The following MSX1 variants were observed in gnomAD, a reference collection of about 807,000 sequenced individuals.
MSX1 encodes homeobox protein MSX-1.
MSX1 carries 11 observed loss-of-function variants against 17.0 expected under a neutral mutation model. That is an observed-to-expected ratio of 0.65 (90% CI 0.41 to 1.07). MSX1 has a LOEUF of 1.07. Among genes scored for constraint, MSX1 ranks in the 50% least tolerant of loss-of-function variants. The pLI, the probability that MSX1 is intolerant of heterozygous loss-of-function variation, is 0.00. For synonymous variants in MSX1, 253 were observed against 211.8 expected (o/e 1.19, Z -1.69); for missense variants, 477 against 440.1 (o/e 1.08, Z -0.75).
In MSX1 at chr4:4,863,585, A is replaced by AAAAAAAAAAAAAAAAG. The variant is rs1737980399; in HGVS notation, c.*445_*446insAAAAAAAAAAAAGAAA. ...AAAAAAAAAAAAAAAAAAAAAAAAA[A>AAAAAAAAAAAAAAAAG]AAAGAAAAGAGAAAAAAAAGACTAG... On this transcript the variant is annotated 3_prime_UTR_variant, in exon 2 of 2. Coordinates refer to ENST00000382723, the MANE Select transcript of MSX1 (RefSeq NM_002448.3). 7.8e-6 allele frequency: 1 copy of AAAAAAAAAAAAAAAAG among 128,940 alleles called. No homozygotes were observed. Among genetic ancestry groups the AAAAAAAAAAAAAAAAG allele is most frequent in the Non-Finnish European group, 1.7e-5 (1 of 60,244 alleles). The allele number at this position is 128,940 out of a possible 1,614,324, so 8.0% of individuals were successfully genotyped here. A position where few individuals can be genotyped will look rare whatever the true frequency, so the allele number is the denominator to read the frequency against.
rs1737964589 is a variant in MSX1, at chr4:4,863,191, G to A, written c.*48G>A. On this transcript the variant is annotated 3_prime_UTR_variant, in exon 2 of 2. Transcript: ENST00000382723. ...TGGGCCAGCCGATTCCTCCAGCCCTGGTGCTGTACCCCCGACGTGCTCCCC... is the reference window on the plus strand; with the variant it reads ...TGGGCCAGCCGATTCCTCCAGCCCTAGTGCTGTACCCCCGACGTGCTCCCC... The A allele has an allele frequency of 1.9e-6, 3 of 1,547,664 alleles. No individual in the cohort carries two copies. The highest frequency in any genetic ancestry group is 1.4e-5 in the African/African-American group (1 of 73,974).
intron 1 of MSX1, among the ~76,000 whole-genome samples, chr4:4,861,156 G>C (rs887354151): frequency 2.0e-5 from 3 of 152,234 alleles, no homozygotes; most frequent in Non-Finnish European, 2.9e-5. Flanking sequence ...TATTTTGCTC[G>C]GCATAATAGC....
Position 4,859,857 on chromosome 4 carries a change from G to A in MSX1, c.-43G>A, listed in dbSNP as rs532399908. On this transcript the variant is annotated 5_prime_UTR_variant, in exon 1 of 2. Transcript: ENST00000382723. Reference sequence around the variant, plus strand: ...CCAGCCCGCCCGGAGCCCATGCCCGGCGGCTGGCCAGTGCTGCGGCAGAAG... The same window carrying A: ...CCAGCCCGCCCGGAGCCCATGCCCGACGGCTGGCCAGTGCTGCGGCAGAAG... 83 of 1,426,608 alleles carry A rather than the reference G, an allele frequency of 5.8e-5. No individual in the cohort carries two copies. The East Asian group carries it at 2.4e-3, about 41-fold the overall frequency. 88.4% of individuals were successfully genotyped at this position (1,426,608 alleles called of 1,614,324 possible).
Position 4,862,806 on chromosome 4 carries a change from G to T in MSX1, c.575G>T (p.Arg192Leu), listed in dbSNP as rs760914206. Residue 192 changes from arginine to leucine, a missense_variant, in exon 2 of 2, where the codon CGC becomes CTC. Coordinates refer to ENST00000382723, the MANE Select transcript of MSX1 (RefSeq NM_002448.3). The stretch of plus-strand genomic sequence containing the variant: ...CTGCTGGCGCTGGAGCGCAAGTTCC[G>T]CCAGAAGCAGTACCTGTCCATCGCC... ...AQLLALERKF[R>L]QKQYLSIAER... 6.2e-7 allele frequency: 1 copy of T among 1,613,646 alleles called. No individual in the cohort carries two copies. Among genetic ancestry groups the T allele is most frequent in the Non-Finnish European group, 8.5e-7 (1 of 1,179,992 alleles).
intron 1 of MSX1, among the ~76,000 whole-genome samples, chr4:4,860,718 T>C (rs1459036097): frequency 6.6e-6 from 1 of 152,244 alleles, no homozygotes. Flanking sequence ...TGAATGTGTG[T>C]GGTGCGGTAT....
Position 4,859,904 on chromosome 4 carries a change from C to A in MSX1, c.5C>A (p.Ala2Asp). M[A>D]PAADMTSLPL... ...GAAGGGGGGGCCCGGCTCTGCATGG[C>A]CCCGGCTGCTGACATGACTTCTTTG... is the stretch of plus-strand genomic sequence containing the variant. The change falls in exon 1 of 2, where the codon GCC (alanine) becomes GAC (aspartate). Residue 2 changes from alanine (A) to aspartate (D), a missense_variant. Transcript: ENST00000382723. 2 of 1,493,254 alleles carry A rather than the reference C, an allele frequency of 1.3e-6. No individual in the cohort carries two copies. The highest frequency in any genetic ancestry group is 1.5e-5 in the African/African-American group (1 of 68,728). 92.5% of individuals were successfully genotyped at this position (1,493,254 alleles called of 1,614,324 possible).
rs1737966257 is a variant in MSX1 at position 4,863,234 on chromosome 4, C to T, written c.*91C>T. On this transcript the variant is annotated 3_prime_UTR_variant, in exon 2 of 2. Transcript: ENST00000382723. ...TGCTCCCCTGCTCGGCACCGCCAGC[C>T]GCCTTCCCTTTAACCCTCACACTGC... 3.7e-6 allele frequency: 5 copies of T among 1,338,014 alleles called. No homozygotes were observed. The South Asian group carries it at 3.8e-5, about 10-fold the overall frequency. The allele number at this position is 1,338,014 out of a possible 1,614,324, so 82.9% of individuals were successfully genotyped here.
chr4:4,860,402 G>T, intron 1 of MSX1, 34 bp downstream of exon 1: 1 of 283,102 alleles, frequency 3.5e-6, no homozygotes. Context: ...AGAGGGAGGG[G>T]GCCGGGTGGG....
In MSX1 at chr4:4,862,837, C is replaced by T; in HGVS notation, c.606C>T (p.Arg202=). ...RQKQYLSIAE[R]AEFSSSLSLT... Reference sequence around the variant, plus strand: ...AGCAGTACCTGTCCATCGCCGAGCGCGCGGAGTTCTCCAGCTCGCTCAGCC... The same window carrying T: ...AGCAGTACCTGTCCATCGCCGAGCGTGCGGAGTTCTCCAGCTCGCTCAGCC... Residue 202 remains arginine (R), a synonymous_variant, in exon 2 of 2, where the codon CGC becomes CGT. Coordinates refer to ENST00000382723, the MANE Select transcript of MSX1 (RefSeq NM_002448.3). The T allele has an allele frequency of 1.2e-6, 2 of 1,613,818 alleles. No individual in the cohort carries two copies. The highest frequency in any genetic ancestry group is 1.7e-6 in the Non-Finnish European group (2 of 1,180,028).
intron 1 of MSX1, among the ~76,000 whole-genome samples, chr4:4,861,349 GT>G (rs1737912940): frequency 6.6e-6 from 1 of 152,262 alleles, no homozygotes; most frequent in Non-Finnish European, 1.5e-5. Flanking sequence ...CGGAAAGCTA[GT>G]TGGGGGCCAA....
At position 4,863,044 on chromosome 4, in the gene MSX1, C is replaced by T; in HGVS notation, c.813C>T (p.Leu271=). The T allele has an allele frequency of 5.6e-6, 9 of 1,609,680 alleles. No individual in the cohort carries two copies. The highest frequency in any genetic ancestry group is 7.6e-6 in the Non-Finnish European group (9 of 1,178,700). The change falls in exon 2 of 2, where the codon CTC becomes CTT. Residue 271 remains leucine, a synonymous_variant. Coordinates refer to ENST00000382723, the MANE Select transcript of MSX1 (RefSeq NM_002448.3). ...AAVAAAAGAS[L]YGASGPFQRA... ...TAGCGGCCGCGGCGGGTGCCTCGCT[C>T]TACGGTGCCTCTGGCCCCTTCCAGC...
rs1577534958 is a variant in MSX1 at position 4,859,965 on chromosome 4, C to T, written c.66C>T (p.Gly22=). Residue 22 remains glycine (G), a synonymous_variant, in exon 1 of 2, where the codon GGC becomes GGT. Transcript: ENST00000382723. ...LGVKVEDSAF[G]KPAGGGAGQA... ...TCAAAGTGGAGGACTCCGCCTTCGG[C>T]AAGCCGGCGGGGGGAGGCGCGGGCC... 1 of 1,492,340 alleles carries T rather than the reference C, an allele frequency of 6.7e-7. No homozygotes were observed. Among genetic ancestry groups the T allele is most frequent in the Non-Finnish European group, 8.9e-7 (1 of 1,121,614 alleles). 92.4% of individuals were successfully genotyped at this position (1,492,340 alleles called of 1,614,324 possible).
rs780766124 is a variant in MSX1, at chr4:4,860,359, C to G, written c.460C>G (p.Pro154Ala). The G allele has an allele frequency of 4.4e-6, 7 of 1,603,678 alleles. No individual in the cohort carries two copies. In the South Asian group the frequency reaches 7.7e-5, roughly 18 times the overall value. ...PWMQSPRFSP[P>A]PARRLSPPAC... ...GATGCAGAGCCCCCGCTTCTCCCCG[C>G]CGCCGGCCAGTGAGTAGCCAGAACC... The change falls in exon 1 of 2, where the codon CCG becomes GCG. Residue 154 changes from proline (P) to alanine (A), a missense_variant. Transcript: ENST00000382723.
intron 1 of MSX1, 46 bp from the exon 2 acceptor site, chr4:4,862,655 A>T (rs189267182): frequency 1.3e-6 from 2 of 1,599,192 alleles, no homozygotes; most frequent in African/African-American, 2.7e-5. Flanking sequence ...TCATGCTCCA[A>T]TGCTTCTCTC....
Position 4,860,126 on chromosome 4 carries a change from A to G in MSX1, c.227A>G (p.Lys76Arg). The change falls in exon 1 of 2, where the codon AAG (lysine) becomes AGG (arginine). Residue 76 changes from lysine to arginine, a missense_variant. By Grantham distance (26) the Lys-to-Arg change is conservative. This residue lies in a region of MSX1 where 355 missense variants were observed against 306.1 expected (regional missense o/e 1.16). Transcript: ENST00000382723. ...GCCGACCACAGGAAGCCGGGGGCCA[A>G]GGAGAGCGCCCTGGCGCCCTCCGAG... Reference protein sequence around the residue: ...LMADHRKPGAKESALAPSEGV... With the variant: ...LMADHRKPGARESALAPSEGV... 1 of 1,514,708 alleles carries G rather than the reference A, an allele frequency of 6.6e-7. No individual in the cohort carries two copies. 93.8% of individuals were successfully genotyped at this position (1,514,708 alleles called of 1,614,324 possible). A position where few individuals can be genotyped will look rare whatever the true frequency, so the allele number is the denominator to read the frequency against.
Position 4,859,903 on chromosome 4 carries a change from GC to G in MSX1, c.8del (p.Pro3ArgfsTer5). 2 of 1,492,942 alleles carry G rather than the reference GC, an allele frequency of 1.3e-6. No homozygotes were observed. Among genetic ancestry groups the G allele is most frequent in the South Asian group, 1.3e-5 (1 of 77,502 alleles). 92.5% of individuals were successfully genotyped at this position (1,492,942 alleles called of 1,614,324 possible). On this transcript the variant is annotated frameshift_variant, in exon 1 of 2. Transcript: ENST00000382723. LOFTEE classifies it high-confidence loss of function. ...AGAAGGGGGGGCCCGGCTCTGCATG[GC>G]CCCGGCTGCTGACATGACTTCTTTG... M[A>X]PAADMTSLPL...
Position 4,859,844 on chromosome 4 carries a change from G to A in MSX1, c.-56G>A. On this transcript the variant is annotated 5_prime_UTR_variant, in exon 1 of 2. Coordinates refer to ENST00000382723, the MANE Select transcript of MSX1 (RefSeq NM_002448.3). Reference sequence around the variant, plus strand: ...GCCGGCCGCGCTCCCAGCCCGCCCGGAGCCCATGCCCGGCGGCTGGCCAGT... The same window carrying A: ...GCCGGCCGCGCTCCCAGCCCGCCCGAAGCCCATGCCCGGCGGCTGGCCAGT... 1 of 1,395,758 alleles carries A rather than the reference G, an allele frequency of 7.2e-7. No homozygotes were observed. The highest frequency in any genetic ancestry group is 9.3e-7 in the Non-Finnish European group (1 of 1,070,428). 86.5% of individuals were successfully genotyped at this position (1,395,758 alleles called of 1,614,324 possible).
In MSX1 at chr4:4,863,077, G is replaced by A. The variant is rs113829749; in HGVS notation, c.846G>A (p.Ala282=). 6 of 1,608,058 alleles carry A rather than the reference G, an allele frequency of 3.7e-6. No individual in the cohort carries two copies. The highest frequency in any genetic ancestry group is 4.5e-5 in the East Asian group (2 of 44,762). Residue 282 remains alanine (A), a synonymous_variant, in exon 2 of 2, where the codon GCG becomes GCA. Coordinates refer to ENST00000382723, the MANE Select transcript of MSX1 (RefSeq NM_002448.3). ...CCTCTGGCCCCTTCCAGCGCGCCGC[G>A]CTGCCTGTGGCGCCCGTGGGACTCT... ...YGASGPFQRA[A]LPVAPVGLYT...
At position 4,863,207 on chromosome 4, in the gene MSX1, C is replaced by A; in HGVS notation, c.*64C>A. 5 of 1,504,328 alleles carry A rather than the reference C, an allele frequency of 3.3e-6. No individual in the cohort carries two copies. Among genetic ancestry groups the A allele is most frequent in the Non-Finnish European group, 4.5e-6 (5 of 1,116,098 alleles). The allele number at this position is 1,504,328 out of a possible 1,614,324, so 93.2% of individuals were successfully genotyped here. A position where few individuals can be genotyped will look rare whatever the true frequency, so the allele number is the denominator to read the frequency against. ...TCCAGCCCTGGTGCTGTACCCCCGA[C>A]GTGCTCCCCTGCTCGGCACCGCCAG... On this transcript the variant is annotated 3_prime_UTR_variant, in exon 2 of 2. Coordinates refer to ENST00000382723, the MANE Select transcript of MSX1 (RefSeq NM_002448.3).
Sources: gnomAD v4.1 joint callset for allele counts (sites outside exome capture counted in the v4.1 genomes callset) on GRCh38, gnomAD v4.1.1 for gene constraint, gnomAD v4.1.1 regional missense constraint, MANE v1.5 for transcripts, NCBI Gene and HGNC (gene_info 2026-07-23, HGNC 2026-07-21) for gene names.